PAWR: variants seen among roughly 807,000 people sequenced by gnomAD.
PAWR encodes PRKC apoptosis WT1 regulator protein.
A neutral mutation model predicts 32.0 loss-of-function variants in PAWR; 23 were observed. That is an observed-to-expected ratio of 0.72 (90% CI 0.52 to 1.02). The LOEUF (loss-of-function observed/expected upper bound fraction) is 1.02, where lower values mean the gene tolerates loss of function less well. Among genes scored for constraint, PAWR ranks in the 50% least tolerant of loss-of-function variants. PAWR has a pLI of 0.00. For synonymous variants in PAWR, 226 were observed against 187.1 expected (o/e 1.21, Z -1.70); for missense variants, 457 against 437.7 (o/e 1.04, Z -0.39).
chr12:79,626,982 T>C (rs1302071349), intron 2 of PAWR, among the ~76,000 whole-genome samples: 1 of 152,200 alleles, frequency 6.6e-6, no homozygotes, highest in African/African-American at 2.4e-5. Context: ...CTTAATCCAG[T>C]CTATCGTTGT....
intron 2 of PAWR, among the ~76,000 whole-genome samples, chr12:79,685,465 G>A (rs1283845663): frequency 6.6e-6 from 1 of 152,112 alleles, no homozygotes; most frequent in East Asian, 1.9e-4. Flanking sequence ...CCTAACCTGT[G>A]TTCACTTAAA....
intron 2 of PAWR, among the ~76,000 whole-genome samples, chr12:79,673,766 G>A (rs1878026304): frequency 6.6e-6 from 1 of 152,076 alleles, no homozygotes; most frequent in African/African-American, 2.4e-5. Context: ...CACTTCACAA[G>A]GTTAAATTCT....
intron 2 of PAWR, among the ~76,000 whole-genome samples, chr12:79,677,610 C>T (rs1049193660): frequency 6.6e-6 from 1 of 151,996 alleles, no homozygotes; most frequent in South Asian, 2.1e-4. Flanking sequence ...TTGCACAATC[C>T]TAGATTTGCT....
intron 2 of PAWR, among the ~76,000 whole-genome samples, chr12:79,689,145 T>C (rs1314808493): frequency 6.6e-6 from 1 of 152,208 alleles, no homozygotes; most frequent in African/African-American, 2.4e-5. Flanking sequence ...AGAAAAACAC[T>C]GTGTGTTTAG....
Position 79,587,908 on chromosome 12 carries a change from G to C in PAWR, c.*4699C>G, listed in dbSNP as rs528341685. 4.4e-4 allele frequency: 66 copies of C among 151,476 alleles called. No homozygotes were observed. Among genetic ancestry groups the C allele is most frequent in the African/African-American group, 1.4e-3 (60 of 41,490 alleles). 9.4% of individuals were successfully genotyped at this position (151,476 alleles called of 1,614,324 possible). ...AACCTATGAAATGGGAATGATCAAAGCTGTCTAACACAATACTAATGTGTT... is the reference window on the plus strand; with the variant it reads ...AACCTATGAAATGGGAATGATCAAACCTGTCTAACACAATACTAATGTGTT... On this transcript the variant is annotated 3_prime_UTR_variant, in exon 7 of 7. Coordinates refer to ENST00000328827, the MANE Select transcript of PAWR (RefSeq NM_002583.4).
intron 2 of PAWR, among the ~76,000 whole-genome samples, chr12:79,637,010 T>C (rs769517442): frequency 7.2e-5 from 11 of 152,116 alleles, no homozygotes; most frequent in Non-Finnish European, 1.3e-4. Flanking sequence ...ATAACTACAA[T>C]AGAACTAAAA....
At chr12:79,623,258 C>A (rs914668830) in intron 2 of PAWR, among the ~76,000 whole-genome samples, 7 of 152,064 alleles carry the variant, frequency 4.6e-5, no homozygotes, top group Non-Finnish European at 8.8e-5. Context: ...AAATCTCTCT[C>A]AGGACTTTCA....
intron 2 of PAWR, among the ~76,000 whole-genome samples, chr12:79,631,801 G>A (rs1027388853): frequency 6.6e-6 from 1 of 152,106 alleles, no homozygotes; most frequent in Non-Finnish European, 1.5e-5. Context: ...AAGTGGAAAT[G>A]AAGAGGATCT....
intron 4 of PAWR, among the ~76,000 whole-genome samples, chr12:79,601,277 G>A (rs1204107566): frequency 1.4e-5 from 2 of 147,678 alleles, no homozygotes; most frequent in African/African-American, 5.1e-5. Context: ...GGAGTGCAGT[G>A]GACAATCATA....
rs138706849 is a variant in PAWR at position 79,591,626 on chromosome 12, C to T, written c.*981G>A. 2.6e-4 allele frequency: 39 copies of T among 152,130 alleles called. No individual in the cohort carries two copies. The highest frequency in any genetic ancestry group is 8.9e-4 in the African/African-American group (37 of 41,536). The allele number at this position is 152,130 out of a possible 1,614,324, so 9.4% of individuals were successfully genotyped here. A position where few individuals can be genotyped will look rare whatever the true frequency, so the allele number is the denominator to read the frequency against. On this transcript the variant is annotated 3_prime_UTR_variant, in exon 7 of 7. Coordinates refer to ENST00000328827, the MANE Select transcript of PAWR (RefSeq NM_002583.4). Reference sequence around the variant, plus strand: ...TAAATTTGAAATAGCGGAATATTCTCTCATATGAAAAAACTGTGTCCCAGT... The same window carrying T: ...TAAATTTGAAATAGCGGAATATTCTTTCATATGAAAAAACTGTGTCCCAGT...
At chr12:79,636,237 C>T (rs1875956301) in intron 2 of PAWR, among the ~76,000 whole-genome samples, 1 of 152,052 alleles carries the variant, frequency 6.6e-6, no homozygotes, top group South Asian at 2.1e-4. Context: ...CTCATGGCAG[C>T]TTTTTCCTAT....
chr12:79,632,346 T>A (rs1361545048), intron 2 of PAWR, among the ~76,000 whole-genome samples: 4 of 66,800 alleles, frequency 6.0e-5, no homozygotes, highest in Non-Finnish European at 9.1e-5. Flanking sequence ...TATATATATA[T>A]ATATATATAT....
intron 2 of PAWR, among the ~76,000 whole-genome samples, chr12:79,626,163 TAAAA>T (rs565157190): frequency 1.2e-5 from 1 of 82,108 alleles, no homozygotes; most frequent in Admixed American, 1.7e-4. Flanking sequence ...GACTCCATCT[TAAAA>T]AAAAAAAAAA....
intron 2 of PAWR, among the ~76,000 whole-genome samples, chr12:79,669,225 A>G (rs1407184265): frequency 6.6e-6 from 1 of 152,204 alleles, no homozygotes; most frequent in Non-Finnish European, 1.5e-5. Flanking sequence ...ACAATATTAA[A>G]TTGAGGGTTT....
At chr12:79,663,785 T>C (rs1406026630) in intron 2 of PAWR, among the ~76,000 whole-genome samples, 1 of 151,950 alleles carries the variant, frequency 6.6e-6, no homozygotes, top group Non-Finnish European at 1.5e-5. Flanking sequence ...AAAAAAACCC[T>C]ATTTATTTTA....
At position 79,690,063 on chromosome 12, in the gene PAWR, G is replaced by A. The variant is rs1020015487; in HGVS notation, c.182C>T (p.Pro61Leu). ...GAGCTCGTTGGCAGCGGCGGCCGCCGGGGTGCCCAGAGCCCCCGCGGGGGG... is the reference window on the plus strand; with the variant it reads ...GAGCTCGTTGGCAGCGGCGGCCGCCAGGGTGCCCAGAGCCCCCGCGGGGGG... The part of the protein sequence containing the change: ...GKPPAGALGT[P>L]AAAAANELNN... Residue 61 changes from proline (P) to leucine (L), a missense_variant, in exon 2 of 7, where the codon CCG becomes CTG. Coordinates refer to ENST00000328827, the MANE Select transcript of PAWR (RefSeq NM_002583.4). The A allele has an allele frequency of 2.9e-6, 4 of 1,374,376 alleles. No homozygotes were observed. In the African/African-American group the frequency reaches 4.6e-5, roughly 16 times the overall value. 85.1% of individuals were successfully genotyped at this position (1,374,376 alleles called of 1,614,324 possible). A position where few individuals can be genotyped will look rare whatever the true frequency, so the allele number is the denominator to read the frequency against.
In PAWR at chr12:79,621,351, T is replaced by C. The variant is rs192802361; in HGVS notation, c.517-144A>G. 1.5e-3 allele frequency: 939 copies of C among 622,518 alleles called. 2 individuals are homozygous for C. The highest frequency in any genetic ancestry group is 2.2e-3 in the Middle Eastern group (5 of 2,250). The allele number at this position is 622,518 out of a possible 1,614,324, so 38.6% of individuals were successfully genotyped here. On this transcript the variant is annotated intron_variant, in intron 2 of 6. Transcript: ENST00000328827. ...AATAAAAGTATTTTTCTTTCAGCAA[T>C]ATGTACATTTAATTCCTATAAATTA...
At chr12:79,688,959 A>G (rs1161119377) in intron 2 of PAWR, among the ~76,000 whole-genome samples, 2 of 152,122 alleles carry the variant, frequency 1.3e-5, no homozygotes, top group African/African-American at 4.8e-5. Flanking sequence ...TTTACCAGTC[A>G]CTCTAATGGA....
In PAWR at chr12:79,640,878, C is replaced by T. The variant is rs566342451; in HGVS notation, c.517-19671G>A. 4.6e-5 allele frequency among the ~76,000 whole-genome samples: 7 copies of T among 152,250 alleles called. No individual in the cohort carries two copies. The South Asian group carries it at 8.3e-4, about 18-fold the overall frequency. ...AACTATGTCCTATAATAGTTTGATG[C>T]GTAAGGATCTTGGATGAGAGCTTGT... On this transcript the variant is annotated intron_variant, in intron 2 of 6. Transcript: ENST00000328827.
Sources: gnomAD v4.1 joint callset for allele counts (sites outside exome capture counted in the v4.1 genomes callset) on GRCh38, gnomAD v4.1.1 for gene constraint, MANE v1.5 for transcripts, NCBI Gene and HGNC (gene_info 2026-07-23, HGNC 2026-07-21) for gene names.